The following CNST variants were observed in gnomAD, a reference collection of about 807,000 sequenced individuals.
CNST encodes consortin, connexin sorting protein, also known as consortin.
Under a neutral mutation model 72.4 loss-of-function variants are expected in CNST, and 39 were observed. The observed-to-expected ratio is 0.54, with a 90% CI of 0.42 to 0.70. The LOEUF is 0.70. CNST is among the 30% of genes least tolerant of loss of function. The probability of loss-of-function intolerance (pLI) is 0.00; values close to 1 mark genes in which losing one functional copy is unlikely to be tolerated. For missense variants in CNST, 871 were observed against 868.5 expected, an observed-to-expected ratio of 1.00 and a Z score of -0.04; for synonymous variants, 332 against 320.1, an observed-to-expected ratio of 1.04 and a Z score of -0.40.
intron 9 of CNST, among the ~76,000 whole-genome samples, chr1:246,655,718 C>T (rs2103154898): frequency 6.6e-6 from 1 of 152,272 alleles, no homozygotes; most frequent in African/African-American, 2.4e-5. Flanking sequence ...CATTAAGGAA[C>T]TGGCAAGAGG....
intron 2 of CNST, among the ~76,000 whole-genome samples, chr1:246,600,921 C>T (rs891369947): frequency 1.3e-5 from 2 of 152,074 alleles, no homozygotes; most frequent in African/African-American, 4.8e-5. Flanking sequence ...TTCATTTTTG[C>T]AGGAGACAGA....
intron 1 of CNST, among the ~76,000 whole-genome samples, chr1:246,583,077 C>G (rs557048631): frequency 6.6e-6 from 1 of 152,230 alleles, no homozygotes; most frequent in Admixed American, 6.5e-5. Context: ...TGGATACTAC[C>G]AATTGGATTG....
chr1:246,586,272 C>A (rs1270253518), intron 1 of CNST, among the ~76,000 whole-genome samples: 1 of 146,306 alleles, frequency 6.8e-6, no homozygotes, highest in Non-Finnish European at 1.5e-5. Context: ...AGCTATATAT[C>A]TTTGATATAT....
chr1:246,570,944 T>C (rs1572103447), intron 1 of CNST, among the ~76,000 whole-genome samples: 1 of 152,266 alleles, frequency 6.6e-6, no homozygotes, highest in Non-Finnish European at 1.5e-5. Context: ...GATACTGTTA[T>C]GTAACCTTTC....
intron 3 of CNST, among the ~76,000 whole-genome samples, chr1:246,623,931 C>T (rs1468885439): frequency 1.3e-5 from 2 of 149,178 alleles, no homozygotes; most frequent in African/African-American, 4.9e-5. Context: ...GGCACGGTGG[C>T]GTGCGCCTGT....
rs1283434300 is a variant in CNST at position 246,647,709 on chromosome 1, C to G, written c.1508C>G (p.Ser503Ter). 2 of 1,614,166 alleles carry G rather than the reference C, an allele frequency of 1.2e-6. No individual in the cohort carries two copies. The highest frequency in any genetic ancestry group is 1.1e-5 in the South Asian group (1 of 91,062). The change falls in exon 9 of 11, where the codon TCA (serine) becomes TGA (stop). Residue 503 changes from serine to a stop codon, truncating the protein, a stop_gained. Coordinates refer to ENST00000366513, the MANE Select transcript of CNST (RefSeq NM_152609.3). LOFTEE classifies it high-confidence loss of function. ...AAATCACCACAGGCGCAGGCTGACT[C>G]AGACGGTTCTGAGAATGTGCTCTGT... ...DGKSPQAQAD[S>*]DGSENVLCGN...
At chr1:246,640,137 C>T (rs1035654832) in intron 6 of CNST, among the ~76,000 whole-genome samples, 3 of 152,194 alleles carry the variant, frequency 2.0e-5, no homozygotes, top group Admixed American at 6.5e-5. Flanking sequence ...TTGAGTTTCT[C>T]ACACTGAACT....
intron 3 of CNST, among the ~76,000 whole-genome samples, chr1:246,628,151 C>T (rs963847204): frequency 1.3e-5 from 2 of 152,126 alleles, no homozygotes; most frequent in African/African-American, 4.8e-5. Flanking sequence ...TATTCCCTGG[C>T]AGCTGATTAG....
At chr1:246,624,252 C>T (rs1300867145) in intron 3 of CNST, among the ~76,000 whole-genome samples, 1 of 152,220 alleles carries the variant, frequency 6.6e-6, no homozygotes, top group Admixed American at 6.5e-5. Flanking sequence ...TCTAATCACT[C>T]AGCTTTCACT....
intron 6 of CNST, among the ~76,000 whole-genome samples, chr1:246,636,146 G>A (rs1665219826): frequency 6.6e-6 from 1 of 152,158 alleles, no homozygotes; most frequent in South Asian, 2.1e-4. Context: ...ACACAATTGA[G>A]GTAGCTGAAG....
rs1327850760 is a variant in CNST, at chr1:246,638,056, C to T, written c.818+3469C>T. 3.3e-5 allele frequency among the ~76,000 whole-genome samples: 5 copies of T among 151,954 alleles called. No homozygotes were observed. The East Asian group carries it at 7.7e-4, about 23-fold the overall frequency. On this transcript the variant is annotated intron_variant, in intron 6 of 10. Transcript: ENST00000366513. Reference sequence around the variant, plus strand: ...CAGCAGGACTGGATGATCTCTGGAACGCGGCTGGAAAGGTGAGGACAAGTG... The same window carrying T: ...CAGCAGGACTGGATGATCTCTGGAATGCGGCTGGAAAGGTGAGGACAAGTG...
At chr1:246,652,881 G>A (rs1666552845) in intron 9 of CNST, among the ~76,000 whole-genome samples, 1 of 151,092 alleles carries the variant, frequency 6.6e-6, no homozygotes, top group Admixed American at 6.6e-5. Flanking sequence ...GCGGGCGCCT[G>A]TAGTCCCAGC....
At chr1:246,598,902 C>T (rs1258569692) in intron 2 of CNST, among the ~76,000 whole-genome samples, 4 of 152,204 alleles carry the variant, frequency 2.6e-5, no homozygotes, top group Non-Finnish European at 5.9e-5. Context: ...GTACATACCA[C>T]ACTTTCAGAA....
At chr1:246,618,939 T>C (rs535167994) in intron 2 of CNST, among the ~76,000 whole-genome samples, 1 of 152,312 alleles carries the variant, frequency 6.6e-6, no homozygotes, top group South Asian at 2.1e-4. Flanking sequence ...TCCATCCTTC[T>C]TTGGCAATAG....
intron 2 of CNST, among the ~76,000 whole-genome samples, chr1:246,599,350 G>A (rs1197538896): frequency 6.6e-6 from 1 of 152,176 alleles, no homozygotes; most frequent in Non-Finnish European, 1.5e-5. Context: ...TAACATCAAG[G>A]TGTTAGCAGG....
In CNST at chr1:246,618,839, C is replaced by T. The variant is rs78681380; in HGVS notation, c.380-2590C>T. Among the ~76,000 whole-genome samples the T allele has an allele frequency of 9.1e-3, 1,389 of 152,282 alleles. 16 individuals are homozygous for T. The highest frequency in any genetic ancestry group is 0.016 in the Non-Finnish European group (1,110 of 68,012). ...GCTAACTAAATAACCGAGATAACCA[C>T]GATGCAGGTTGCCGATTATCCAGGA... is the stretch of plus-strand genomic sequence containing the variant. On this transcript the variant is annotated intron_variant, in intron 2 of 10. Transcript: ENST00000366513.
At chr1:246,577,222 A>C (rs926109386) in intron 1 of CNST, among the ~76,000 whole-genome samples, 2 of 152,072 alleles carry the variant, frequency 1.3e-5, no homozygotes, top group African/African-American at 4.8e-5. Flanking sequence ...CTCATGAAGT[A>C]AATTTCAACA....
chr1:246,595,380 C>G (rs1197180593), intron 2 of CNST, among the ~76,000 whole-genome samples: 1 of 152,158 alleles, frequency 6.6e-6, no homozygotes, highest in African/African-American at 2.4e-5. Flanking sequence ...TCCCTGTGAT[C>G]TCTCAAGTCA....
intron 1 of CNST, among the ~76,000 whole-genome samples, chr1:246,590,393 G>C (rs1661469317): frequency 6.6e-6 from 1 of 152,020 alleles, no homozygotes; most frequent in South Asian, 2.1e-4. Flanking sequence ...GTGGTGCCAG[G>C]GTCGTCTGGC....
Sources: gnomAD v4.1 joint callset for allele counts (sites outside exome capture counted in the v4.1 genomes callset) on GRCh38, gnomAD v4.1.1 for gene constraint, MANE v1.5 for transcripts, NCBI Gene and HGNC (gene_info 2026-07-23, HGNC 2026-07-21) for gene names.